Variants in DNAH10 observed in about 807,000 individuals in gnomAD.
DNAH10 encodes the protein axonemal beta dynein heavy chain 10.
In DNAH10, 348 loss-of-function variants were observed where a neutral mutation model predicts 506.6. The observed-to-expected ratio is 0.69, with a 90% CI of 0.63 to 0.75. DNAH10 has a LOEUF of 0.75. DNAH10 is among the 30% of genes least tolerant of loss of function. DNAH10 has a pLI of 0.00. For missense variants in DNAH10, 5,179 were observed against 5,787.1 expected (o/e 0.89, Z 3.41); for synonymous variants, 2,059 against 2,198.6 (o/e 0.94, Z 1.78).
chr12:123,859,133 C>G lies in DNAH10; in HGVS notation c.6631-17C>G, dbSNP rs750681873. On this transcript the variant is annotated splice_polypyrimidine_tract_variant and intron_variant, in intron 37 of 78. Coordinates refer to ENST00000673944, the MANE Select transcript of DNAH10 (RefSeq NM_001372106.1). ...AAAGATAATGTTTTAGCCCAGCTGC[C>G]ATTGTTTGTCCCGCAGGTGGATAAA... The G allele has an allele frequency of 6.3e-7, 1 of 1,597,572 alleles. No individual in the cohort carries two copies. The highest frequency in any genetic ancestry group is 1.1e-5 in the South Asian group (1 of 88,092).
Position 123,864,583 on chromosome 12 carries a change from TG to T in DNAH10, c.6909-10del, listed in dbSNP as rs1378046015. On this transcript the variant is annotated splice_polypyrimidine_tract_variant and intron_variant, in intron 39 of 78. Transcript: ENST00000673944. Reference sequence around the variant, plus strand: ...CTAGGACCCATGGCTCTCCTTTCTTTGGTTGCTGCAGGTATATTTTATTTGA... The same window carrying T: ...CTAGGACCCATGGCTCTCCTTTCTTTGTTGCTGCAGGTATATTTTATTTGA... 6.2e-7 allele frequency: 1 copy of T among 1,613,058 alleles called. No homozygotes were observed. The highest frequency in any genetic ancestry group is 1.1e-5 in the South Asian group (1 of 90,882).
At chr12:123,809,869 G>A (rs925563145) in intron 19 of DNAH10, among the ~76,000 whole-genome samples, 1 of 152,168 alleles carries the variant, frequency 6.6e-6, no homozygotes, top group Non-Finnish European at 1.5e-5. Context: ...CTGCCTGGTT[G>A]TGCCTCCAGC....
At chr12:123,784,546 CA>C (rs145621815) in intron 8 of DNAH10, among the ~76,000 whole-genome samples, 16 of 151,294 alleles carry the variant, frequency 1.1e-4, no homozygotes, top group African/African-American at 3.9e-4. Context: ...GACCCTGTCT[CA>C]AAAAAAACCT....
chr12:123,828,082 T>A (rs570304902), intron 25 of DNAH10, among the ~76,000 whole-genome samples: 1 of 152,174 alleles, frequency 6.6e-6, no homozygotes, highest in Admixed American at 6.5e-5. Context: ...TTCCTATCAG[T>A]TTCTTTTTTA....
In DNAH10 at chr12:123,833,180, A is replaced by C; in HGVS notation, c.4612A>C (p.Thr1538Pro). 6.2e-7 allele frequency: 1 copy of C among 1,613,484 alleles called. No homozygotes were observed. Among genetic ancestry groups the C allele is most frequent in the Non-Finnish European group, 8.5e-7 (1 of 1,179,460 alleles). The part of the protein sequence containing the change: ...KFTVVKYCKG[T>P]QERGYILGSV... ...CACTGTAGTCAAGTATTGCAAAGGC[A>C]CACAGGAGCGAGGCTACATCCTGGG... Residue 1538 changes from threonine (T) to proline (P), a missense_variant, in exon 27 of 79, where the codon ACA becomes CCA. By Grantham distance (38) the Thr-to-Pro change is conservative. Around this residue, in one of 3 missense-constraint regions of DNAH10, gnomAD observed 4,844 missense variants for 5,430.5 expected, o/e 0.89. Transcript: ENST00000673944.
At chr12:123,889,326 A>G (rs1164747789) in intron 52 of DNAH10, among the ~76,000 whole-genome samples, 1 of 152,146 alleles carries the variant, frequency 6.6e-6, no homozygotes, top group Non-Finnish European at 1.5e-5. Context: ...TTAAGTGTAT[A>G]TTTGCTGCAT....
In DNAH10 at chr12:123,794,615, G is replaced by A. The variant is rs117809925; in HGVS notation, c.1986+503G>A. Among the ~76,000 whole-genome samples the A allele has an allele frequency of 4.3e-3, 656 of 152,246 alleles. 14 individuals are homozygous for A. Among genetic ancestry groups the A allele is most frequent in the East Asian group, 0.023 (118 of 5,184 alleles). ...AATCCTAGCACTTTGGGAGGCCGAG[G>A]CCAGCGGATTGCTTGAGTTCAGGAG... On this transcript the variant is annotated intron_variant, in intron 12 of 78. Transcript: ENST00000673944.
intron 78 of DNAH10, 170 bp downstream of exon 78, chr12:123,934,936 G>C: frequency 1.2e-6 from 1 of 867,728 alleles, no homozygotes; most frequent in Non-Finnish European, 1.7e-6. Flanking sequence ...CTGCTTCCTG[G>C]AAAAGGCGCG....
At position 123,917,514 on chromosome 12, in the gene DNAH10, A is replaced by G; in HGVS notation, c.11003-70A>G. 1 of 1,462,900 alleles carries G rather than the reference A, an allele frequency of 6.8e-7. No homozygotes were observed. Among genetic ancestry groups the G allele is most frequent in the Non-Finnish European group, 9.3e-7 (1 of 1,076,958 alleles). 90.6% of individuals were successfully genotyped at this position (1,462,900 alleles called of 1,614,324 possible). On this transcript the variant is annotated intron_variant, in intron 63 of 78. Coordinates refer to ENST00000673944, the MANE Select transcript of DNAH10 (RefSeq NM_001372106.1). This position sits in a 1 kb window ranked among gnomAD's most constrained non-coding sequence, Gnocchi z 5.6. ...AGACCCGCGCTAAGCTTGTCCCGTC[A>G]CAGCAGGGCAGCGGGAGAGACTGTT...
At chr12:123,765,597 TATAC>T (rs1409395751) in intron 1 of DNAH10, among the ~76,000 whole-genome samples, 4 of 151,172 alleles carry the variant, frequency 2.6e-5, no homozygotes, top group African/African-American at 9.7e-5. Context: ...TCTATCTATC[TATAC>T]ATACCTCTAT....
intron 52 of DNAH10, among the ~76,000 whole-genome samples, chr12:123,891,768 C>T (rs1239306061): frequency 1.3e-5 from 2 of 152,110 alleles, no homozygotes; most frequent in Non-Finnish European, 2.9e-5. Context: ...TAGGAGGACT[C>T]GCAGGACTCA....
At chr12:123,773,901 C>T (rs1001991380) in intron 4 of DNAH10, among the ~76,000 whole-genome samples, 2 of 152,232 alleles carry the variant, frequency 1.3e-5, no homozygotes, top group Non-Finnish European at 2.9e-5. Context: ...CCAACCAGAT[C>T]AGCAAATGTG....
intron 52 of DNAH10, among the ~76,000 whole-genome samples, chr12:123,888,020 A>G (rs1210061990): frequency 2.0e-5 from 3 of 152,202 alleles, no homozygotes; most frequent in African/African-American, 7.2e-5. Flanking sequence ...CTGGGATTAC[A>G]GGCGTGAGCC....
At chr12:123,831,471 G>A (rs1407126248) in intron 26 of DNAH10, among the ~76,000 whole-genome samples, 1 of 152,226 alleles carries the variant, frequency 6.6e-6, no homozygotes, top group African/African-American at 2.4e-5. Flanking sequence ...TAGCTGGGAT[G>A]ACTACTGCAC....
chr12:123,799,199 ATGTT>A, intron 13 of DNAH10, 43 bp from the exon 14 acceptor site: 5 of 1,410,506 alleles, frequency 3.5e-6, no homozygotes, highest in South Asian at 3.5e-5. Context: ...GAGATGAAAA[ATGTT>A]ATTTTCAAGG....
chr12:123,794,956 T>G (rs1034660292), intron 12 of DNAH10, among the ~76,000 whole-genome samples: 5 of 151,666 alleles, frequency 3.3e-5, no homozygotes, highest in Admixed American at 3.3e-4. Flanking sequence ...GAGACCAGCC[T>G]TTGCCAACAT....
rs1470715818 is a variant in DNAH10, at chr12:123,887,204, C to A, written c.8886C>A (p.Ser2962Arg). 6.2e-7 allele frequency: 1 copy of A among 1,613,602 alleles called. No homozygotes were observed. The highest frequency in any genetic ancestry group is 8.5e-7 in the Non-Finnish European group (1 of 1,179,730). The change falls in exon 52 of 79, where the codon AGC becomes AGA. Residue 2962 changes from serine to arginine, a missense_variant. This residue lies in a region of DNAH10 where 4,844 missense variants were observed against 5,430.5 expected (regional missense o/e 0.89). Coordinates refer to ENST00000673944, the MANE Select transcript of DNAH10 (RefSeq NM_001372106.1). ...ACAGTTTCCGGGAAGACCTGAAGAG[C>A]CTCTATTTGAAACTTGGGATTGAGA... ...SENSFREDLK[S>R]LYLKLGIENK... is the part of the protein sequence containing the mutation.
intron 36 of DNAH10, among the ~76,000 whole-genome samples, chr12:123,855,118 C>G (rs556177700): frequency 6.6e-6 from 1 of 152,230 alleles, no homozygotes; most frequent in Non-Finnish European, 1.5e-5. Flanking sequence ...AACTGCAATC[C>G]CCGGGGCTCC....
intron 26 of DNAH10, among the ~76,000 whole-genome samples, chr12:123,831,354 ATACACATATCCC>A (rs1960524742): frequency 6.6e-6 from 1 of 152,226 alleles, no homozygotes; most frequent in Non-Finnish European, 1.5e-5. Context: ...AGGTACACAC[ATACACATATCCC>A]TACACATATA....
Sources: gnomAD v4.1 joint callset for allele counts (sites outside exome capture counted in the v4.1 genomes callset) on GRCh38, gnomAD v4.1.1 for gene constraint, gnomAD v4.1.1 regional missense constraint, Gnocchi (gnomAD v3.1) non-coding constraint, MANE v1.5 for transcripts, NCBI Gene and HGNC (gene_info 2026-07-23, HGNC 2026-07-21) for gene names.